PRKG1: variants seen among roughly 807,000 people sequenced by gnomAD.
PRKG1 encodes the protein protein kinase cGMP-dependent 1, also known as cGMP-dependent protein kinase 1.
PRKG1 carries 35 observed loss-of-function variants against 88.1 expected under a neutral mutation model. The observed-to-expected ratio is 0.40, with a 90% confidence interval of 0.30 to 0.53. The LOEUF (loss-of-function observed/expected upper bound fraction) is 0.53. Ranked by LOEUF, PRKG1 falls within the 20% of genes least tolerant of loss-of-function variation. The probability of loss-of-function intolerance (pLI) is 0.59; values close to 1 mark genes in which losing one functional copy is unlikely to be tolerated. For missense variants in PRKG1, 540 were observed against 839.8 expected (o/e 0.64, Z 4.41); for synonymous variants, 303 against 292.5 (o/e 1.04, Z -0.37).
intron 3 of PRKG1, among the ~76,000 whole-genome samples, chr10:51,784,966 AAT>A (rs1838691197): frequency 6.6e-6 from 1 of 151,944 alleles, no homozygotes; most frequent in Non-Finnish European, 1.5e-5. Flanking sequence ...AATTAAAATA[AAT>A]TTTCTTCTCA....
chr10:51,467,733 T>A lies in PRKG1; in HGVS notation c.489T>A (p.Val163=). The A allele has an allele frequency of 6.2e-7, 1 of 1,611,558 alleles. No homozygotes were observed. Among genetic ancestry groups the A allele is most frequent in the Non-Finnish European group, 8.5e-7 (1 of 1,177,970 alleles). Reference sequence around the variant, plus strand: ...CCTCCTCCTTTTTAGATGGTAAGGTTGAAGTTACAAAAGAAGGTGTGAAGT... The same window carrying A: ...CCTCCTCCTTTTTAGATGGTAAGGTAGAAGTTACAAAAGAAGGTGTGAAGT... The part of the protein sequence containing the change: ...SLVYVMEDGK[V]EVTKEGVKLC... The change falls in exon 3 of 18, where the codon GTT becomes GTA. Residue 163 remains valine (V), a synonymous_variant. Transcript: ENST00000373980.
At chr10:51,098,046 C>A (rs970071687) in intron 1 of PRKG1, among the ~76,000 whole-genome samples, 2 of 152,154 alleles carry the variant, frequency 1.3e-5, no homozygotes, top group South Asian at 2.1e-4. Context: ...TGCCCCTTAG[C>A]TCCTATGTGA....
chr10:51,499,718 C>A (rs976034775), intron 3 of PRKG1, among the ~76,000 whole-genome samples: 1 of 152,148 alleles, frequency 6.6e-6, no homozygotes, highest in Non-Finnish European at 1.5e-5. Context: ...GCAGGAGGAT[C>A]GCTTGCAGCC....
In PRKG1 at chr10:52,162,030, T is replaced by C. The variant is rs1564496180; in HGVS notation, c.1076+67T>C. 9 of 1,407,016 alleles carry C rather than the reference T, an allele frequency of 6.4e-6. No homozygotes were observed. In the Admixed American group the frequency reaches 7.0e-5, roughly 11 times the overall value. The allele number at this position is 1,407,016 out of a possible 1,614,324, so 87.2% of individuals were successfully genotyped here. A position where few individuals can be genotyped will look rare whatever the true frequency, so the allele number is the denominator to read the frequency against. On this transcript the variant is annotated intron_variant, in intron 9 of 17. Coordinates refer to ENST00000373980, the MANE Select transcript of PRKG1 (RefSeq NM_006258.4). ...TGAATAGAAATAAGATCAAATATTT[T>C]GTTGGACTTGACACATCCCAACACT...
intron 1 of PRKG1, among the ~76,000 whole-genome samples, chr10:51,023,328 T>C (rs1843164230): frequency 6.6e-6 from 1 of 152,236 alleles, no homozygotes. Context: ...AAATTTGCTG[T>C]GTGAAAAATT....
At chr10:51,751,982 A>C (rs1414674812) in intron 3 of PRKG1, among the ~76,000 whole-genome samples, 1 of 152,186 alleles carries the variant, frequency 6.6e-6, no homozygotes, top group Non-Finnish European at 1.5e-5. Flanking sequence ...CATGCTGGTG[A>C]CTATTTTTCA....
chr10:51,032,255 T>G (rs1290162449), intron 1 of PRKG1, among the ~76,000 whole-genome samples: 3 of 152,098 alleles, frequency 2.0e-5, no homozygotes, highest in Non-Finnish European at 4.4e-5. Context: ...GCACCACCCC[T>G]CTGCTGGTAT....
At chr10:52,011,769 G>A (rs1005940502) in intron 5 of PRKG1, among the ~76,000 whole-genome samples, 1 of 152,214 alleles carries the variant, frequency 6.6e-6, no homozygotes, top group Admixed American at 6.5e-5. Context: ...ATTGCATTTT[G>A]TCACTCCCGT....
At chr10:51,760,158 G>C (rs2132525613) in intron 3 of PRKG1, among the ~76,000 whole-genome samples, 1 of 152,196 alleles carries the variant, frequency 6.6e-6, no homozygotes. Context: ...GTTAATTTTT[G>C]TCTAACATGA....
chr10:51,653,981 A>T (rs12247188), intron 3 of PRKG1, among the ~76,000 whole-genome samples: 38,650 of 151,962 alleles, frequency 0.25, 5,393 homozygotes, highest in Non-Finnish European at 0.32. Flanking sequence ...TTTTCTCCCA[A>T]TTCCAAGATT....
intron 1 of PRKG1, among the ~76,000 whole-genome samples, chr10:51,081,553 T>C (rs899532446): frequency 1.1e-4 from 16 of 152,310 alleles, no homozygotes; most frequent in African/African-American, 3.8e-4. Context: ...TTTGACATCA[T>C]TGAGGACTTG....
intron 1 of PRKG1, among the ~76,000 whole-genome samples, chr10:51,012,966 G>T (rs1452544014): frequency 6.6e-6 from 1 of 152,200 alleles, no homozygotes. Context: ...GAAAGGATGT[G>T]CATGGGCAAA....
At chr10:52,231,210 C>T (rs1033244537) in intron 9 of PRKG1, 6 of 152,026 alleles carry the variant, frequency 3.9e-5, no homozygotes, top group Non-Finnish European at 5.9e-5. Context: ...TCAGCCTGGG[C>T]AACATGGTGA....
At chr10:51,923,597 C>A (rs1048673580) in intron 5 of PRKG1, among the ~76,000 whole-genome samples, 2 of 150,968 alleles carry the variant, frequency 1.3e-5, no homozygotes, top group African/African-American at 4.9e-5. Flanking sequence ...CAACATACCA[C>A]CAATTCAGGC....
intron 2 of PRKG1, among the ~76,000 whole-genome samples, chr10:51,449,217 G>T (rs916836596): frequency 6.6e-6 from 1 of 151,628 alleles, no homozygotes; most frequent in East Asian, 1.9e-4. Flanking sequence ...GAGGTTAAAT[G>T]GTCCAGTGCT....
At chr10:51,442,706 A>C (rs891857549) in intron 2 of PRKG1, among the ~76,000 whole-genome samples, 1 of 152,048 alleles carries the variant, frequency 6.6e-6, no homozygotes, top group Admixed American at 6.6e-5. Context: ...GTGAAAAAGC[A>C]TGTCTTCATT....
intron 5 of PRKG1, among the ~76,000 whole-genome samples, chr10:51,917,631 TAAC>T (rs1340898043): frequency 6.6e-6 from 1 of 152,158 alleles, no homozygotes; most frequent in African/African-American, 2.4e-5. Flanking sequence ...TTTTAAGTAT[TAAC>T]AAAAATAATA....
Position 52,129,391 on chromosome 10 carries a change from C to T in PRKG1, c.936-4449C>T, listed in dbSNP as rs376890030. Among the ~76,000 whole-genome samples the T allele has an allele frequency of 7.2e-5, 11 of 152,196 alleles. No individual in the cohort carries two copies. The East Asian group carries it at 2.1e-3, about 29-fold the overall frequency. ...CAGTGTTGTCAGCTTCTATCATTGA[C>T]ATTCTCTCTTTAGAAGTTAGAAATT... On this transcript the variant is annotated intron_variant, in intron 7 of 17. Coordinates refer to ENST00000373980, the MANE Select transcript of PRKG1 (RefSeq NM_006258.4).
chr10:51,459,912 C>A (rs1400837346), intron 2 of PRKG1, among the ~76,000 whole-genome samples: 1 of 152,102 alleles, frequency 6.6e-6, no homozygotes, highest in Non-Finnish European at 1.5e-5. Flanking sequence ...GCCCTTTTAT[C>A]TAGGTTGTAA....
Sources: allele counts gnomAD v4.1 joint callset (sites outside exome capture counted in the v4.1 genomes callset), GRCh38; gene constraint gnomAD v4.1.1; transcripts MANE v1.5; gene names NCBI Gene and HGNC (gene_info 2026-07-23, HGNC 2026-07-21).